Variants in DDC observed in about 807,000 individuals in gnomAD.
DDC encodes the protein dopa decarboxylase, also known as aromatic-L-amino-acid decarboxylase.
In DDC, 43 loss-of-function variants were observed where a neutral mutation model predicts 60.0. That is an observed-to-expected ratio of 0.72 (90% CI 0.56 to 0.92). DDC has a LOEUF of 0.92. DDC is among the 40% of genes least tolerant of loss of function. The probability of loss-of-function intolerance (pLI) is 0.00; values close to 1 mark genes in which losing one functional copy is unlikely to be tolerated. For missense variants in DDC, 573 were observed against 620.2 expected (o/e 0.92, Z 0.81); for synonymous variants, 232 against 234.6 (o/e 0.99, Z 0.10).
intron 8 of DDC, among the ~76,000 whole-genome samples, chr7:50,498,312 G>A (rs1012102034): frequency 3.3e-5 from 5 of 152,192 alleles, no homozygotes; most frequent in Non-Finnish European, 4.4e-5. Context: ...GAGGTCTCAC[G>A]ACACCTCCTG....
intron 11 of DDC, 131 bp from the exon 12 acceptor site, chr7:50,470,302 T>C: frequency 2.7e-6 from 2 of 739,054 alleles, no homozygotes; most frequent in South Asian, 1.4e-5. Flanking sequence ...CCCATTGCCA[T>C]GGCCTGTCTT....
At chr7:50,537,825 C>A (rs762458287) in intron 4 of DDC, 35 bp downstream of exon 4, 5 of 1,613,922 alleles carry the variant, frequency 3.1e-6, no homozygotes, top group Middle Eastern at 1.7e-4. Flanking sequence ...AGAGCCCATG[C>A]ATCCCAAAAG....
chr7:50,495,429 CAA>C lies in DDC; in HGVS notation c.877-14_877-13del. ...AATGAATCTGCAAACTGCCAAAGAA[CAA>C]GAGTAAGAAAAAGAAAACATTTTCT... On this transcript the variant is annotated splice_polypyrimidine_tract_variant and intron_variant, in intron 8 of 14. Transcript: ENST00000444124. The C allele has an allele frequency of 6.3e-7, 1 of 1,596,470 alleles. No individual in the cohort carries two copies. Among genetic ancestry groups the C allele is most frequent in the Non-Finnish European group, 8.6e-7 (1 of 1,165,138 alleles).
rs946105201 is a variant in DDC, at chr7:50,479,781, G to A, written c.1021+6C>T. On this transcript the variant is annotated splice_donor_region_variant and intron_variant, in intron 10 of 14. Coordinates refer to ENST00000444124, the MANE Select transcript of DDC (RefSeq NM_001082971.2). ...ACAGTCCACAGAAAGCAGGCTCACA[G>A]CTTACCTGAATCCTGATGGCTGTGC... 6.2e-7 allele frequency: 1 copy of A among 1,612,864 alleles called. No homozygotes were observed. Among genetic ancestry groups the A allele is most frequent in the Non-Finnish European group, 8.5e-7 (1 of 1,179,430 alleles).
rs186589117 is a variant in DDC at position 50,559,930 on chromosome 7, A to C, written c.-29+5355T>G. Reference sequence around the variant, plus strand: ...AGGGGAGTTAAGGGGGATTTATTTTAATTATTTTCTTCACACTGGCTGTGT... The same window carrying C: ...AGGGGAGTTAAGGGGGATTTATTTTCATTATTTTCTTCACACTGGCTGTGT... On this transcript the variant is annotated intron_variant, in intron 1 of 14. Transcript: ENST00000444124. Among the ~76,000 whole-genome samples, 179 of 152,320 alleles carry C rather than the reference A, an allele frequency of 1.2e-3. 1 individual carries two copies. Among genetic ancestry groups the C allele is most frequent in the African/African-American group, 4.1e-3 (169 of 41,564 alleles).
intron 14 of DDC, among the ~76,000 whole-genome samples, chr7:50,459,350 C>T (rs1182732120): frequency 2.0e-5 from 3 of 152,220 alleles, no homozygotes; most frequent in Non-Finnish European, 2.9e-5. Context: ...CCCAAAGTGC[C>T]GAGATTACAG....
Position 50,509,996 on chromosome 7 carries a change from A to G in DDC, c.715-5937T>C, listed in dbSNP as rs1369440822. ...ACGTATCTTTTTTTTTTTGAGACGG[A>G]GTCTCACTCTGCTGCCCAGGCTGGA... On this transcript the variant is annotated intron_variant, in intron 6 of 14. Coordinates refer to ENST00000444124, the MANE Select transcript of DDC (RefSeq NM_001082971.2). 2.0e-5 allele frequency among the ~76,000 whole-genome samples: 3 copies of G among 151,234 alleles called. No individual in the cohort carries two copies. In the East Asian group the frequency reaches 5.9e-4, roughly 30 times the overall value.
At chr7:50,504,703 G>T (rs570030713) in intron 6 of DDC, among the ~76,000 whole-genome samples, 4 of 152,250 alleles carry the variant, frequency 2.6e-5, no homozygotes, top group African/African-American at 9.6e-5. Flanking sequence ...GGGGGTGTGT[G>T]TGTGTCTGTG....
At chr7:50,502,374 G>A (rs1378121832) in intron 7 of DDC, among the ~76,000 whole-genome samples, 1 of 152,148 alleles carries the variant, frequency 6.6e-6, no homozygotes, top group Non-Finnish European at 1.5e-5. Context: ...CTTGGCCCAG[G>A]GGACAGCAGG....
In DDC at chr7:50,529,694, G is replaced by A. The variant is rs1432377223; in HGVS notation, c.436-352C>T. On this transcript the variant is annotated intron_variant, in intron 4 of 14. Transcript: ENST00000444124. The stretch of plus-strand genomic sequence containing the variant: ...CTCTATCAGAGGAGAACGGCCCAGG[G>A]CACCAGCATGCAAGCCTGACTCTGC... Among the ~76,000 whole-genome samples the A allele has an allele frequency of 2.6e-5, 4 of 152,162 alleles. No homozygotes were observed. In the East Asian group the frequency reaches 7.7e-4, roughly 29 times the overall value.
At chr7:50,476,473 G>T in intron 11 of DDC, 151 bp downstream of exon 11, 2 of 741,502 alleles carry the variant, frequency 2.7e-6, no homozygotes, top group Non-Finnish European at 4.8e-6. Flanking sequence ...CACCTGGCAG[G>T]ACCCCCCTAA....
At chr7:50,556,579 G>T (rs956267016) in intron 1 of DDC, among the ~76,000 whole-genome samples, 3 of 152,154 alleles carry the variant, frequency 2.0e-5, no homozygotes, top group African/African-American at 7.2e-5. Flanking sequence ...AAACCATGAA[G>T]AGAGTACAAG....
chr7:50,459,991 C>T (rs1207884854), intron 14 of DDC, among the ~76,000 whole-genome samples: 3 of 146,140 alleles, frequency 2.1e-5, no homozygotes, highest in African/African-American at 5.2e-5. Context: ...CGCCTCTGCC[C>T]GGCTGCCCCT....
intron 1 of DDC, among the ~76,000 whole-genome samples, chr7:50,547,113 C>T (rs913872032): frequency 2.0e-5 from 3 of 152,158 alleles, no homozygotes; most frequent in Non-Finnish European, 4.4e-5. Context: ...AAATTTTTAA[C>T]TCAAATGGTA....
intron 9 of DDC, among the ~76,000 whole-genome samples, chr7:50,486,973 G>A (rs914351367): frequency 4.0e-5 from 6 of 151,740 alleles, no homozygotes; most frequent in South Asian, 2.1e-4. Flanking sequence ...CTTGCAACAC[G>A]TGGATTACCA....
In DDC at chr7:50,458,481, A is replaced by C. The variant is rs1409409580; in HGVS notation, c.*381T>G. On this transcript the variant is annotated 3_prime_UTR_variant, in exon 15 of 15. Coordinates refer to ENST00000444124, the MANE Select transcript of DDC (RefSeq NM_001082971.2). ...TTTATTAGGCATTTAGCCACATGAC[A>C]AAAGACAATTTGAAGACCACAGATA... The C allele has an allele frequency of 6.6e-6, 1 of 152,254 alleles. No homozygotes were observed. Among genetic ancestry groups the C allele is most frequent in the Non-Finnish European group, 1.5e-5 (1 of 68,044 alleles). 9.4% of individuals were successfully genotyped at this position (152,254 alleles called of 1,614,324 possible). A position where few individuals can be genotyped will look rare whatever the true frequency, so the allele number is the denominator to read the frequency against.
chr7:50,516,333 C>G (rs2043729152), intron 6 of DDC, among the ~76,000 whole-genome samples: 1 of 152,062 alleles, frequency 6.6e-6, no homozygotes, highest in African/African-American at 2.4e-5. Context: ...TGAGCACTGG[C>G]TCAAAAACAA....
intron 14 of DDC, among the ~76,000 whole-genome samples, chr7:50,461,222 C>T (rs1181373332): frequency 1.3e-5 from 2 of 152,148 alleles, no homozygotes; most frequent in Admixed American, 1.3e-4. Flanking sequence ...AATCTGGCTT[C>T]TCTGATGAAA....
intron 1 of DDC, among the ~76,000 whole-genome samples, chr7:50,553,051 T>G (rs1252139458): frequency 1.3e-5 from 2 of 152,198 alleles, no homozygotes; most frequent in South Asian, 2.1e-4. Flanking sequence ...CCACAGCCAC[T>G]GAAGAGAATG....
Sources: gnomAD v4.1 joint callset for allele counts (sites outside exome capture counted in the v4.1 genomes callset) on GRCh38, gnomAD v4.1.1 for gene constraint, MANE v1.5 for transcripts, NCBI Gene and HGNC (gene_info 2026-07-23, HGNC 2026-07-21) for gene names.